The following SSBP2 variants were observed in gnomAD, a reference collection of about 807,000 sequenced individuals.
The protein encoded by SSBP2 is single-stranded DNA-binding protein 2.
SSBP2 carries 17 observed loss-of-function variants against 61.8 expected under a neutral mutation model. That is an observed-to-expected ratio of 0.28 (90% CI 0.19 to 0.41). The LOEUF (loss-of-function observed/expected upper bound fraction) is 0.41. Ranked by LOEUF, SSBP2 falls within the 10% of genes least tolerant of loss-of-function variation. The pLI is 1.00. For missense variants in SSBP2, 310 were observed against 458.7 expected, an observed-to-expected ratio of 0.68 and a Z score of 2.96; for synonymous variants, 139 against 141.3, an observed-to-expected ratio of 0.98 and a Z score of 0.12.
intron 1 of SSBP2, among the ~76,000 whole-genome samples, chr5:81,747,778 A>G (rs527524903): frequency 6.6e-6 from 1 of 152,334 alleles, no homozygotes; most frequent in East Asian, 1.9e-4. Flanking sequence ...AGGGAAAGTT[A>G]AACATTAAAC....
At chr5:81,706,700 C>T (rs552009809) in intron 1 of SSBP2, among the ~76,000 whole-genome samples, 18 of 152,250 alleles carry the variant, frequency 1.2e-4, no homozygotes, top group African/African-American at 4.1e-4. Flanking sequence ...ATAACAGTAA[C>T]GAGTTCCTTG....
intron 1 of SSBP2, among the ~76,000 whole-genome samples, chr5:81,739,252 T>G (rs1756843822): frequency 1.3e-5 from 2 of 151,790 alleles, no homozygotes; most frequent in African/African-American, 4.8e-5. Context: ...TAGTTCGTAT[T>G]TAATCTGCCA....
intron 1 of SSBP2, among the ~76,000 whole-genome samples, chr5:81,728,841 C>A (rs1344121259): frequency 3.3e-5 from 5 of 152,130 alleles, no homozygotes; most frequent in Non-Finnish European, 4.4e-5. Flanking sequence ...TACTGAATCC[C>A]TACTAAAACT....
chr5:81,527,208 T>G (rs1339956825), intron 4 of SSBP2, among the ~76,000 whole-genome samples: 1 of 151,982 alleles, frequency 6.6e-6, no homozygotes, highest in Non-Finnish European at 1.5e-5. Flanking sequence ...TTATTAGATG[T>G]AATATTTTTA....
At chr5:81,604,928 T>C (rs1257824367) in intron 4 of SSBP2, among the ~76,000 whole-genome samples, 1 of 152,086 alleles carries the variant, frequency 6.6e-6, no homozygotes, top group Middle Eastern at 3.2e-3. Context: ...GTTATAAGAG[T>C]GTATTTTCCA....
intron 9 of SSBP2, among the ~76,000 whole-genome samples, chr5:81,462,007 T>A (rs955097287): frequency 6.6e-6 from 1 of 152,100 alleles, no homozygotes; most frequent in African/African-American, 2.4e-5. Flanking sequence ...ACTAAGACAA[T>A]GAAAATTTTT....
chr5:81,592,162 A>G (rs1311225655), intron 4 of SSBP2, among the ~76,000 whole-genome samples: 1 of 152,358 alleles, frequency 6.6e-6, no homozygotes. Flanking sequence ...CAACAGGCTT[A>G]AAAAACAGCA....
intron 1 of SSBP2, among the ~76,000 whole-genome samples, chr5:81,664,994 T>C (rs1750992264): frequency 3.9e-5 from 6 of 152,186 alleles, no homozygotes; most frequent in Admixed American, 3.9e-4. Context: ...GCCAAGTAGC[T>C]TGATGGCTCC....
At chr5:81,561,330 G>A (rs1007900516) in intron 4 of SSBP2, among the ~76,000 whole-genome samples, 2 of 152,104 alleles carry the variant, frequency 1.3e-5, no homozygotes, top group Non-Finnish European at 2.9e-5. Flanking sequence ...CTAAAATGTG[G>A]CTATTAAGTA....
At chr5:81,611,245 T>G (rs1357231217) in intron 4 of SSBP2, among the ~76,000 whole-genome samples, 5 of 152,182 alleles carry the variant, frequency 3.3e-5, no homozygotes, top group Admixed American at 3.3e-4. Context: ...AAATCTATAG[T>G]TTCGGGTAAG....
chr5:81,705,347 C>G (rs1041155511), intron 1 of SSBP2, among the ~76,000 whole-genome samples: 2 of 151,954 alleles, frequency 1.3e-5, no homozygotes, highest in South Asian at 4.1e-4. Context: ...TAATGGAAAG[C>G]AACAGATCCC....
At chr5:81,643,764 G>C (rs1280831471) in intron 2 of SSBP2, among the ~76,000 whole-genome samples, 2 of 151,574 alleles carry the variant, frequency 1.3e-5, no homozygotes, top group African/African-American at 2.4e-5. Context: ...CACCATACTC[G>C]GCTAATTTTC....
intron 1 of SSBP2, among the ~76,000 whole-genome samples, chr5:81,652,029 C>T (rs980449531): frequency 3.9e-5 from 6 of 152,068 alleles, no homozygotes; most frequent in Non-Finnish European, 8.8e-5. Flanking sequence ...AGCCTAGAGC[C>T]AAACCAGTGG....
intron 1 of SSBP2, among the ~76,000 whole-genome samples, chr5:81,749,194 T>C (rs966256863): frequency 2.6e-5 from 4 of 152,202 alleles, no homozygotes; most frequent in African/African-American, 9.6e-5. Flanking sequence ...CTGCCGTTTC[T>C]TAACCAGGCT....
At chr5:81,631,073 G>A (rs570064748) in intron 3 of SSBP2, among the ~76,000 whole-genome samples, 1 of 152,190 alleles carries the variant, frequency 6.6e-6, no homozygotes, top group South Asian at 2.1e-4. Flanking sequence ...TGACAGGCTA[G>A]ATCTGGATAT....
chr5:81,599,967 C>T (rs1218465474), intron 4 of SSBP2, among the ~76,000 whole-genome samples: 2 of 151,112 alleles, frequency 1.3e-5, no homozygotes, highest in East Asian at 3.9e-4. Flanking sequence ...CCTGTTGTCT[C>T]CCTTATTAGA....
At chr5:81,559,871 A>G (rs1046688954) in intron 4 of SSBP2, among the ~76,000 whole-genome samples, 3 of 152,156 alleles carry the variant, frequency 2.0e-5, no homozygotes, top group African/African-American at 7.2e-5. Flanking sequence ...AGAGTATTAC[A>G]TAAGGCATCA....
At chr5:81,661,775 T>C (rs1385232332) in intron 1 of SSBP2, among the ~76,000 whole-genome samples, 4 of 152,230 alleles carry the variant, frequency 2.6e-5, no homozygotes, top group African/African-American at 9.6e-5. Flanking sequence ...TTCGTAAATA[T>C]TTTCCCCCAT....
intron 1 of SSBP2, among the ~76,000 whole-genome samples, chr5:81,661,516 CT>C (rs34884407): frequency 0.48 from 72,127 of 149,252 alleles, 19,459 homozygotes; most frequent in African/African-American, 0.73. Context: ...ACACTTCTCT[CT>C]TTTTTTTTTT....
Sources: gnomAD v4.1 joint callset for allele counts (sites outside exome capture counted in the v4.1 genomes callset) on GRCh38, gnomAD v4.1.1 for gene constraint, MANE v1.5 for transcripts, NCBI Gene and HGNC (gene_info 2026-07-23, HGNC 2026-07-21) for gene names.